ARNT2: variants seen among roughly 807,000 people sequenced by gnomAD.
The protein encoded by ARNT2 is aryl hydrocarbon receptor nuclear translocator 2, also known as ARNT protein 2.
Under a neutral mutation model 91.7 loss-of-function variants are expected in ARNT2, and 36 were observed. The observed-to-expected ratio is 0.39, with a 90% CI of 0.30 to 0.52. The LOEUF is 0.52. Ranked by LOEUF, ARNT2 falls within the 20% of genes least tolerant of loss-of-function variation. The probability of loss-of-function intolerance (pLI) is 0.72; values close to 1 mark genes in which losing one functional copy is unlikely to be tolerated. For missense variants in ARNT2, 775 were observed against 939.3 expected (o/e 0.83, Z 2.29); for synonymous variants, 365 against 347.1 (o/e 1.05, Z -0.57).
intron 1 of ARNT2, among the ~76,000 whole-genome samples, chr15:80,415,380 C>T (rs182698229): frequency 6.6e-6 from 1 of 152,332 alleles, no homozygotes; most frequent in East Asian, 1.9e-4. Context: ...GCGTGGTTTC[C>T]GCTTTCACAG....
rs191023883 is a variant in ARNT2, at chr15:80,551,748, C to T, written c.954+473C>T. ...CTGGTATTTCCTTGTTCTCCTTCTT[C>T]TCCTTTCAATGTTCCTTATCCTCCT... On this transcript the variant is annotated intron_variant, in intron 9 of 18. Transcript: ENST00000303329. Among the ~76,000 whole-genome samples, 73 of 152,256 alleles carry T rather than the reference C, an allele frequency of 4.8e-4. 1 individual carries two copies. The highest frequency in any genetic ancestry group is 3.9e-3 in the Admixed American group (60 of 15,292).
At chr15:80,506,014 G>A (rs1380871586) in intron 5 of ARNT2, among the ~76,000 whole-genome samples, 2 of 140,964 alleles carry the variant, frequency 1.4e-5, no homozygotes, top group Non-Finnish European at 3.0e-5. Flanking sequence ...TCGGCTCACT[G>A]AAAGCTCCGC....
intron 8 of ARNT2, among the ~76,000 whole-genome samples, chr15:80,532,311 G>A (rs1897753358): frequency 6.6e-6 from 1 of 152,072 alleles, no homozygotes; most frequent in Non-Finnish European, 1.5e-5. Flanking sequence ...ACTGCCCCCA[G>A]TCTTCTACCA....
At chr15:80,475,250 G>C in intron 5 of ARNT2, 27 bp downstream of exon 5, 8 of 1,611,104 alleles carry the variant, frequency 5.0e-6, no homozygotes, top group Non-Finnish European at 5.9e-6. Flanking sequence ...TTATGAGGCT[G>C]TTTGACTCTA....
intron 6 of ARNT2, among the ~76,000 whole-genome samples, chr15:80,508,979 G>A (rs1897307958): frequency 6.6e-6 from 1 of 152,210 alleles, no homozygotes; most frequent in African/African-American, 2.4e-5. Flanking sequence ...TGAACTGCAA[G>A]GTGGGAGGTG....
intron 5 of ARNT2, among the ~76,000 whole-genome samples, chr15:80,498,529 A>C (rs1047800457): frequency 1.3e-5 from 2 of 152,206 alleles, no homozygotes; most frequent in African/African-American, 4.8e-5. Flanking sequence ...TGTCCCAGCC[A>C]AAGCTGGAAA....
intron 16 of ARNT2, 167 bp downstream of exon 16, chr15:80,580,716 C>T (rs1898779811): frequency 7.8e-6 from 7 of 899,302 alleles, no homozygotes; most frequent in South Asian, 5.2e-5. Flanking sequence ...TCAGGGCTCT[C>T]GGAGAGCCAG....
In ARNT2 at chr15:80,409,053, T is replaced by C. The variant is rs547830385; in HGVS notation, c.31+4507T>C. The stretch of plus-strand genomic sequence containing the variant: ...CAGCAGAGTAGTACATGTGTTACAA[T>C]TGATGAACCTACAATGACACATCAT... On this transcript the variant is annotated intron_variant, in intron 1 of 18. Transcript: ENST00000303329. Among the ~76,000 whole-genome samples the C allele has an allele frequency of 2.0e-5, 3 of 152,272 alleles. No individual in the cohort carries two copies. In the South Asian group the frequency reaches 6.2e-4, roughly 32 times the overall value.
At chr15:80,549,552 A>G (rs892249875) in intron 8 of ARNT2, among the ~76,000 whole-genome samples, 1 of 152,218 alleles carries the variant, frequency 6.6e-6, no homozygotes, top group African/African-American at 2.4e-5. Flanking sequence ...GAAGCAGACA[A>G]TTCACTAAAA....
chr15:80,504,173 A>C (rs1166109250), intron 5 of ARNT2, among the ~76,000 whole-genome samples: 1 of 151,962 alleles, frequency 6.6e-6, no homozygotes, highest in Admixed American at 6.5e-5. Flanking sequence ...AATGATAGAA[A>C]CCCTTATGAA....
chr15:80,469,681 C>T (rs1345134983), intron 3 of ARNT2, among the ~76,000 whole-genome samples: 2 of 152,150 alleles, frequency 1.3e-5, no homozygotes, highest in African/African-American at 2.4e-5. Flanking sequence ...GTGGTGCGAT[C>T]TCAGCTTACT....
chr15:80,583,862 G>C (rs2141483286), intron 17 of ARNT2, among the ~76,000 whole-genome samples: 1 of 152,310 alleles, frequency 6.6e-6, no homozygotes, highest in East Asian at 1.9e-4. Context: ...AATTAAGCAG[G>C]AATTGGATGT....
rs755752131 is a variant in ARNT2 at position 80,593,700 on chromosome 15, T to TG, written c.*3dup. Reference sequence around the variant, plus strand: ...ATGTTTCCACCGTTTTCTGAGTAGCTGCGGCCAGAGTGAGGCTCCTGCTGT... The same window carrying TG: ...ATGTTTCCACCGTTTTCTGAGTAGCTGGCGGCCAGAGTGAGGCTCCTGCTGT... On this transcript the variant is annotated 3_prime_UTR_variant, in exon 19 of 19. Coordinates refer to ENST00000303329, the MANE Select transcript of ARNT2 (RefSeq NM_014862.4). 1.9e-6 allele frequency: 3 copies of TG among 1,599,192 alleles called. No individual in the cohort carries two copies. Among genetic ancestry groups the TG allele is most frequent in the Non-Finnish European group, 2.6e-6 (3 of 1,171,080 alleles).
chr15:80,484,957 C>T (rs1387302221), intron 5 of ARNT2, among the ~76,000 whole-genome samples: 5 of 152,220 alleles, frequency 3.3e-5, no homozygotes, highest in African/African-American at 1.2e-4. Flanking sequence ...TCAGTTTTCT[C>T]GCTTGTAAAT....
intron 8 of ARNT2, among the ~76,000 whole-genome samples, chr15:80,520,859 G>A (rs1198501813): frequency 6.6e-6 from 1 of 152,146 alleles, no homozygotes; most frequent in African/African-American, 2.4e-5. Flanking sequence ...GGTAGCACTT[G>A]TGGCTGCAGA....
At chr15:80,408,494 G>A (rs773506917) in intron 1 of ARNT2, among the ~76,000 whole-genome samples, 8 of 152,216 alleles carry the variant, frequency 5.3e-5, no homozygotes, top group African/African-American at 1.9e-4. Context: ...TGGCTGGCGT[G>A]TGAGGCAGAC....
chr15:80,451,106 T>G (rs766984908), intron 2 of ARNT2, 112 bp downstream of exon 2: 1 of 1,063,132 alleles, frequency 9.4e-7, no homozygotes, highest in Non-Finnish European at 1.4e-6. Context: ...GCTCAGCAGT[T>G]TGCATCCTGT....
At chr15:80,518,788 GAATTGAGT>G (rs1380177769) in intron 8 of ARNT2, among the ~76,000 whole-genome samples, 1 of 152,150 alleles carries the variant, frequency 6.6e-6, no homozygotes, top group Non-Finnish European at 1.5e-5. Flanking sequence ...AGTTGGGCTG[GAATTGAGT>G]AACTCCTCTT....
intron 9 of ARNT2, among the ~76,000 whole-genome samples, chr15:80,551,867 C>T (rs1219287796): frequency 6.6e-6 from 1 of 152,224 alleles, no homozygotes; most frequent in Non-Finnish European, 1.5e-5. Flanking sequence ...GCACTGAGCT[C>T]TACCCTCAGT....
Sources: allele counts gnomAD v4.1 joint callset (sites outside exome capture counted in the v4.1 genomes callset), GRCh38; gene constraint gnomAD v4.1.1; transcripts MANE v1.5; gene names NCBI Gene and HGNC (gene_info 2026-07-23, HGNC 2026-07-21).